FER: variants seen among roughly 807,000 people sequenced by gnomAD.
FER encodes FER tyrosine kinase, also known as tyrosine-protein kinase Fer.
A neutral mutation model predicts 111.0 loss-of-function variants in FER; 63 were observed. The ratio of observed to expected loss-of-function variants is 0.57; its 90% CI spans 0.46 to 0.70. The LOEUF (loss-of-function observed/expected upper bound fraction) is 0.70, where lower values mean the gene tolerates loss of function less well. Among genes scored for constraint, FER ranks in the 30% least tolerant of loss-of-function variants. The pLI, the probability that FER is intolerant of heterozygous loss-of-function variation, is 0.00. For missense variants in FER, 914 were observed against 954.0 expected, an observed-to-expected ratio of 0.96 and a Z score of 0.55; for synonymous variants, 327 against 313.9, an observed-to-expected ratio of 1.04 and a Z score of -0.44.
chr5:108,879,680 A>AT (rs1400001073), intron 8 of FER, among the ~76,000 whole-genome samples: 1 of 128,114 alleles, frequency 7.8e-6, no homozygotes, highest in African/African-American at 3.6e-5. Flanking sequence ...CACCATATGT[A>AT]TTTTTTTTAG....
At chr5:108,851,395 C>T (rs1762530354) in intron 5 of FER, among the ~76,000 whole-genome samples, 1 of 152,134 alleles carries the variant, frequency 6.6e-6, no homozygotes, top group African/African-American at 2.4e-5. Context: ...GAAAGACCTG[C>T]CGCCATGATT....
chr5:109,044,026 A>G (rs370788209), intron 14 of FER, among the ~76,000 whole-genome samples: 3 of 152,266 alleles, frequency 2.0e-5, no homozygotes, highest in Admixed American at 6.5e-5. Context: ...TAAAAAATAC[A>G]TATGCAGTGT....
chr5:108,922,756 A>C (rs1180185705), intron 10 of FER, among the ~76,000 whole-genome samples: 1 of 152,196 alleles, frequency 6.6e-6, no homozygotes, highest in Non-Finnish European at 1.5e-5. Context: ...GCAGGGAGTG[A>C]ATACTGGGAA....
intron 16 of FER, among the ~76,000 whole-genome samples, chr5:109,048,119 T>G (rs1772255741): frequency 6.6e-6 from 1 of 152,124 alleles, no homozygotes; most frequent in Admixed American, 6.5e-5. Context: ...GTTTCTAATT[T>G]TAATTAAAAT....
intron 17 of FER, among the ~76,000 whole-genome samples, chr5:109,123,813 C>T (rs1030170138): frequency 6.6e-6 from 1 of 152,132 alleles, no homozygotes; most frequent in Non-Finnish European, 1.5e-5. Flanking sequence ...GATCATTGCT[C>T]CTTTTGTCTG....
intron 1 of FER, chr5:108,749,028 G>C (rs1466295076): frequency 6.6e-6 from 1 of 152,466 alleles, no homozygotes; most frequent in Admixed American, 6.5e-5. Flanking sequence ...GGTAGGCGCT[G>C]TTGCCCGGGG....
At chr5:109,148,549 C>G (rs78323994) in intron 17 of FER, among the ~76,000 whole-genome samples, 1,587 of 152,214 alleles carry the variant, frequency 0.01, 23 homozygotes, top group African/African-American at 0.036. Context: ...TTATTCTATT[C>G]ATAATGATTT....
rs1377054573 is a variant in FER, at chr5:109,130,141, C to A, written c.2048+29622C>A. ...CCTTTATAGTTTTACAAAACCTATC[C>A]CATTTTTAAAAAATGATTTAAAAGA... On this transcript the variant is annotated intron_variant, in intron 17 of 19. Transcript: ENST00000281092. 2.0e-5 allele frequency among the ~76,000 whole-genome samples: 3 copies of A among 151,384 alleles called. No homozygotes were observed. The East Asian group carries it at 5.8e-4, about 29-fold the overall frequency.
At chr5:108,758,697 A>G (rs1751389415) in intron 1 of FER, among the ~76,000 whole-genome samples, 1 of 152,170 alleles carries the variant, frequency 6.6e-6, no homozygotes, top group Non-Finnish European at 1.5e-5. Context: ...GATAGGCCAT[A>G]TCTGGATTAG....
chr5:109,087,015 G>T (rs1777641311), intron 16 of FER, among the ~76,000 whole-genome samples: 1 of 146,898 alleles, frequency 6.8e-6, no homozygotes, highest in Non-Finnish European at 1.5e-5. Flanking sequence ...CTTACCCTGG[G>T]GACTTCATTT....
chr5:108,862,469 A>C (rs768123813), intron 5 of FER, among the ~76,000 whole-genome samples: 1 of 152,206 alleles, frequency 6.6e-6, no homozygotes, highest in Admixed American at 6.5e-5. Flanking sequence ...TAAATGTCTC[A>C]ATGAAAATGT....
At chr5:108,765,345 A>G (rs1007350570) in intron 1 of FER, among the ~76,000 whole-genome samples, 1 of 152,214 alleles carries the variant, frequency 6.6e-6, no homozygotes, top group Non-Finnish European at 1.5e-5. Flanking sequence ...GTTTCATTGG[A>G]AAATAAAAAT....
rs1314794149 is a variant in FER at position 109,188,535 on chromosome 5, A to AATG, written c.*963_*965dup. 2 of 152,120 alleles carry AATG rather than the reference A, an allele frequency of 1.3e-5. No homozygotes were observed. The highest frequency in any genetic ancestry group is 4.8e-5 in the African/African-American group (2 of 41,428). The allele number at this position is 152,120 out of a possible 1,614,324, so 9.4% of individuals were successfully genotyped here. On this transcript the variant is annotated 3_prime_UTR_variant, in exon 20 of 20. Coordinates refer to ENST00000281092, the MANE Select transcript of FER (RefSeq NM_005246.4). ...GGGCTGGAGAACAGAGCAGCTAAAG[A>AATG]ATGATTAACAGAGTAAAGAAGAAAG...
intron 13 of FER, among the ~76,000 whole-genome samples, chr5:108,966,915 C>T (rs1759929356): frequency 6.6e-6 from 1 of 152,008 alleles, no homozygotes; most frequent in Non-Finnish European, 1.5e-5. Flanking sequence ...AGAACAAAAA[C>T]AACAAAAATT....
rs137968486 is a variant in FER at position 109,175,756 on chromosome 5, C to T, written c.2049-4991C>T. Among the ~76,000 whole-genome samples the T allele has an allele frequency of 7.6e-4, 115 of 152,200 alleles. 2 individuals are homozygous for T. The East Asian group carries it at 0.02, about 27-fold the overall frequency. ...GAAACTCAAACAGCTCAACACTAAT[C>T]ATTATGGAAATGCAAATCAAAACCA... On this transcript the variant is annotated intron_variant, in intron 17 of 19. Transcript: ENST00000281092.
At chr5:109,107,228 A>G (rs1025299956) in intron 17 of FER, among the ~76,000 whole-genome samples, 1 of 152,208 alleles carries the variant, frequency 6.6e-6, no homozygotes, top group Non-Finnish European at 1.5e-5. Flanking sequence ...ATGTCAAAAA[A>G]GTGATCTTTT....
At position 109,180,839 on chromosome 5, in the gene FER, A is replaced by T; in HGVS notation, c.2141A>T (p.Tyr714Phe). Reference sequence around the variant, plus strand: ...TCTCGTCAAGAGGATGGTGGAGTGTATTCATCTTCTGGCTTAAAGCAGATT... The same window carrying T: ...TCTCGTCAAGAGGATGGTGGAGTGTTTTCATCTTCTGGCTTAAAGCAGATT... ...GMSRQEDGGV[Y>F]SSSGLKQIPI... is the part of the protein sequence containing the mutation. Residue 714 changes from tyrosine to phenylalanine, a missense_variant, in exon 18 of 20, where the codon TAT (tyrosine) becomes TTT (phenylalanine). Physicochemically the swap from Tyr to Phe is conservative, Grantham distance 22. Coordinates refer to ENST00000281092, the MANE Select transcript of FER (RefSeq NM_005246.4). The T allele has an allele frequency of 6.2e-7, 1 of 1,613,688 alleles. No individual in the cohort carries two copies. Among genetic ancestry groups the T allele is most frequent in the Non-Finnish European group, 8.5e-7 (1 of 1,179,748 alleles).
intron 16 of FER, among the ~76,000 whole-genome samples, chr5:109,059,019 C>T (rs1324704344): frequency 1.3e-5 from 2 of 151,332 alleles, no homozygotes; most frequent in South Asian, 2.1e-4. Context: ...GGATTACAGG[C>T]GTGAGCCACC....
In FER at chr5:108,759,571, T is replaced by C. The variant is rs573983967; in HGVS notation, c.-205-8522T>C. ...CACAGACTGAGTAATTTAAAAATAA[T>C]AGAAATTTATTCTCTCACAGTTCTA... On this transcript the variant is annotated intron_variant, in intron 1 of 19. Coordinates refer to ENST00000281092, the MANE Select transcript of FER (RefSeq NM_005246.4). Among the ~76,000 whole-genome samples the C allele has an allele frequency of 3.9e-5, 6 of 152,350 alleles. No individual in the cohort carries two copies. In the South Asian group the frequency reaches 1.2e-3, roughly 32 times the overall value.
Sources: gnomAD v4.1 joint callset for allele counts (sites outside exome capture counted in the v4.1 genomes callset) on GRCh38, gnomAD v4.1.1 for gene constraint, MANE v1.5 for transcripts, NCBI Gene and HGNC (gene_info 2026-07-23, HGNC 2026-07-21) for gene names.